Variants in ZNF609 observed in about 807,000 individuals in gnomAD.
The protein encoded by ZNF609 is zinc finger protein 609.
A neutral mutation model predicts 109.5 loss-of-function variants in ZNF609; 11 were observed. The ratio of observed to expected loss-of-function variants is 0.10; its 90% confidence interval spans 0.06 to 0.17. The LOEUF (loss-of-function observed/expected upper bound fraction) is 0.17, where lower values mean the gene tolerates loss of function less well. ZNF609 is among the 10% of genes least tolerant of loss of function. The probability of loss-of-function intolerance (pLI) is 1.00; values close to 1 mark genes in which losing one functional copy is unlikely to be tolerated. For synonymous variants in ZNF609, 646 were observed against 662.0 expected, an observed-to-expected ratio of 0.98 and a Z score of 0.37; for missense variants, 1,559 against 1,772.4, an observed-to-expected ratio of 0.88 and a Z score of 2.16.
chr15:64,462,704 A>G (rs1235613020), intron 1 of ZNF609, among the ~76,000 whole-genome samples: 1 of 152,220 alleles, frequency 6.6e-6, no homozygotes, highest in African/African-American at 2.4e-5. Context: ...GAATTTGCCT[A>G]TCTGGGCAAG....
chr15:64,628,504 A>T (rs529894694), intron 3 of ZNF609, among the ~76,000 whole-genome samples: 1 of 151,322 alleles, frequency 6.6e-6, no homozygotes, highest in South Asian at 2.1e-4. Flanking sequence ...TACAAAAATT[A>T]GCCAGGTGTG....
chr15:64,592,534 C>T (rs1410949550), intron 2 of ZNF609, among the ~76,000 whole-genome samples: 1 of 152,124 alleles, frequency 6.6e-6, no homozygotes, highest in Admixed American at 6.5e-5. Context: ...GCTGGGATCT[C>T]GCCACTACAC....
At chr15:64,461,404 G>T (rs992774932) in intron 1 of ZNF609, among the ~76,000 whole-genome samples, 1 of 152,018 alleles carries the variant, frequency 6.6e-6, no homozygotes, top group African/African-American at 2.4e-5. Flanking sequence ...GGATCCCTGG[G>T]CCTGGACCTC....
intron 2 of ZNF609, among the ~76,000 whole-genome samples, chr15:64,533,180 A>G (rs1894086958): frequency 6.6e-6 from 1 of 151,862 alleles, no homozygotes; most frequent in Non-Finnish European, 1.5e-5. Flanking sequence ...CCTCCTGAGT[A>G]GCTGGGGCCA....
intron 2 of ZNF609, among the ~76,000 whole-genome samples, chr15:64,571,556 C>T (rs537899546): frequency 2.6e-5 from 4 of 151,920 alleles, no homozygotes; most frequent in African/African-American, 4.8e-5. Flanking sequence ...TCACAGCAAC[C>T]GTATAAGTTA....
intron 2 of ZNF609, among the ~76,000 whole-genome samples, chr15:64,604,601 G>T (rs1895564047): frequency 6.6e-6 from 1 of 152,276 alleles, no homozygotes; most frequent in African/African-American, 2.4e-5. Context: ...TAAAATGTAT[G>T]CATATAAATT....
At chr15:64,460,396 T>G (rs1892918571), upstream of ZNF609, among the ~76,000 whole-genome samples, 1 of 152,162 alleles carries the variant, frequency 6.6e-6, no homozygotes, top group Non-Finnish European at 1.5e-5. Flanking sequence ...TTTTCCAGCA[T>G]TCCCTGAGCT....
At chr15:64,582,487 CA>C (rs1333085647) in intron 2 of ZNF609, among the ~76,000 whole-genome samples, 1 of 152,134 alleles carries the variant, frequency 6.6e-6, no homozygotes, top group African/African-American at 2.4e-5. Flanking sequence ...CACTCTTTTT[CA>C]AGTACTTCCC....
intron 2 of ZNF609, among the ~76,000 whole-genome samples, chr15:64,596,829 C>G (rs1056396249): frequency 6.6e-6 from 1 of 152,056 alleles, no homozygotes; most frequent in African/African-American, 2.4e-5. Flanking sequence ...CTATTTGTAC[C>G]CTTTCACCAA....
At chr15:64,540,852 A>C (rs1254217697) in intron 2 of ZNF609, among the ~76,000 whole-genome samples, 2 of 144,978 alleles carry the variant, frequency 1.4e-5, no homozygotes, top group Non-Finnish European at 3.0e-5. Flanking sequence ...ACATGGTGAA[A>C]CCCTGTCTCT....
At chr15:64,621,785 A>C (rs1392194070) in intron 2 of ZNF609, among the ~76,000 whole-genome samples, 2 of 123,744 alleles carry the variant, frequency 1.6e-5, no homozygotes, top group Non-Finnish European at 3.3e-5. Context: ...TTTTTTTTTG[A>C]GACGATCTCA....
At chr15:64,578,846 A>G (rs749440676) in intron 2 of ZNF609, among the ~76,000 whole-genome samples, 7 of 152,178 alleles carry the variant, frequency 4.6e-5, no homozygotes, top group African/African-American at 1.2e-4. Context: ...AAAAAAGTAC[A>G]AAAACTATAT....
intron 2 of ZNF609, chr15:64,593,113 G>C (rs1895329996): frequency 6.3e-7 from 1 of 1,592,518 alleles, no homozygotes; most frequent in African/African-American, 1.3e-5. Context: ...GAAACATAGT[G>C]GAGTCCGCAG....
At position 64,562,978 on chromosome 15, in the gene ZNF609, C is replaced by T. The variant is rs999555720; in HGVS notation, c.748-59849C>T. Among the ~76,000 whole-genome samples the T allele has an allele frequency of 6.6e-5, 10 of 151,610 alleles. No individual in the cohort carries two copies. In the East Asian group the frequency reaches 9.7e-4, roughly 15 times the overall value. ...TTACTTCTGAAGTCCAATTGTCTAA[C>T]GTATGGAGGGAGGATAACCTCCAGG... On this transcript the variant is annotated intron_variant, in intron 2 of 9. Coordinates refer to ENST00000326648, the MANE Select transcript of ZNF609 (RefSeq NM_015042.2).
Position 64,482,167 on chromosome 15 carries a change from C to A in ZNF609, c.-127-17126C>A, listed in dbSNP as rs187957222. Among the ~76,000 whole-genome samples the A allele has an allele frequency of 4.6e-5, 7 of 152,218 alleles. No homozygotes were observed. In the East Asian group the frequency reaches 1.3e-3, roughly 29 times the overall value. On this transcript the variant is annotated intron_variant, in intron 1 of 9. Transcript: ENST00000326648. The stretch of plus-strand genomic sequence containing the variant: ...CTACTTAATCATGGTGTGAAAGATC[C>A]ATTTAAGAATGAAAACATTAGAGAA...
At chr15:64,476,048 A>G (rs1476738348) in intron 1 of ZNF609, among the ~76,000 whole-genome samples, 1 of 152,202 alleles carries the variant, frequency 6.6e-6, no homozygotes, top group Non-Finnish European at 1.5e-5. Context: ...CTGTGGTTCC[A>G]TACATCCGAG....
In ZNF609 at chr15:64,674,922, A is replaced by G; in HGVS notation, c.2068A>G (p.Thr690Ala). 1 of 1,613,996 alleles carries G rather than the reference A, an allele frequency of 6.2e-7. No individual in the cohort carries two copies. Among genetic ancestry groups the G allele is most frequent in the Non-Finnish European group, 8.5e-7 (1 of 1,180,008 alleles). Residue 690 changes from threonine (T) to alanine (A), a missense_variant, in exon 5 of 10, where the codon ACA becomes GCA. Coordinates refer to ENST00000326648, the MANE Select transcript of ZNF609 (RefSeq NM_015042.2). ...SPGSSSGLTA[T>A]VAQAMPNSPQ... ...AGGCTCTTCCTCAGGCTTGACCGCC[A>G]CAGTGGCACAAGCCATGCCCAACAG...
intron 2 of ZNF609, among the ~76,000 whole-genome samples, chr15:64,512,964 T>C (rs1893755180): frequency 6.6e-6 from 1 of 152,136 alleles, no homozygotes; most frequent in Non-Finnish European, 1.5e-5. Context: ...TAGAAAACAT[T>C]GTGGTATGTC....
At chr15:64,575,112 A>G (rs1455909527) in intron 2 of ZNF609, among the ~76,000 whole-genome samples, 1 of 152,220 alleles carries the variant, frequency 6.6e-6, no homozygotes, top group African/African-American at 2.4e-5. Flanking sequence ...TAAGAACAAG[A>G]AGGAAACAGC....
Sources: gnomAD v4.1 joint callset for allele counts (sites outside exome capture counted in the v4.1 genomes callset) on GRCh38, gnomAD v4.1.1 for gene constraint, MANE v1.5 for transcripts, NCBI Gene and HGNC (gene_info 2026-07-23, HGNC 2026-07-21) for gene names.